The following ARFGEF1 variants were observed in gnomAD, a reference collection of about 807,000 sequenced individuals.
ARFGEF1 encodes the protein brefeldin A-inhibited guanine nucleotide-exchange protein 1.
A neutral mutation model predicts 231.0 loss-of-function variants in ARFGEF1; 42 were observed. The ratio of observed to expected loss-of-function variants is 0.18; its 90% CI spans 0.14 to 0.24. The LOEUF (loss-of-function observed/expected upper bound fraction) is 0.24. Ranked by LOEUF, ARFGEF1 falls within the 10% of genes least tolerant of loss-of-function variation. ARFGEF1 has a pLI of 1.00. For synonymous variants in ARFGEF1, 710 were observed against 732.3 expected (o/e 0.97, Z 0.49); for missense variants, 1,345 against 2,192.0 (o/e 0.61, Z 7.72).
intron 1 of ARFGEF1, among the ~76,000 whole-genome samples, chr8:67,322,609 GT>G (rs1807648578): frequency 6.6e-6 from 1 of 152,164 alleles, no homozygotes; most frequent in South Asian, 2.1e-4. Flanking sequence ...GCAGGCTAAG[GT>G]AGCAGAATCA....
chr8:67,199,225 ACT>A, intron 38 of ARFGEF1, 127 bp from the exon 39 acceptor site: 6 of 1,134,254 alleles, frequency 5.3e-6, no homozygotes, highest in Middle Eastern at 3.0e-4. Flanking sequence ...GCAGGCAGTG[ACT>A]CTGGTTTGTG....
chr8:67,263,355 C>A (rs1002529457), intron 14 of ARFGEF1, among the ~76,000 whole-genome samples: 1 of 152,176 alleles, frequency 6.6e-6, no homozygotes, highest in Non-Finnish European at 1.5e-5. Flanking sequence ...TTCTAATGCA[C>A]CCTTCAGGCT....
chr8:67,301,340 G>A lies in ARFGEF1; in HGVS notation c.196C>T (p.Pro66Ser). ...GEAKAGSSTL[P>S]PVKSKTNFIE... is the part of the protein sequence containing the mutation. ...AAATTTGTCTTTGATTTCACTGGTG[G>A]AAGGGTGCTTGATCCAGCTTTTGCT... Residue 66 changes from proline (P) to serine (S), a missense_variant, in exon 3 of 39, where the codon CCA becomes TCA. By Grantham distance (74) the Pro-to-Ser change is moderately conservative. Coordinates refer to ENST00000262215, the MANE Select transcript of ARFGEF1 (RefSeq NM_006421.5). The A allele has an allele frequency of 1.2e-6, 2 of 1,613,996 alleles. No individual in the cohort carries two copies. The highest frequency in any genetic ancestry group is 1.7e-6 in the Non-Finnish European group (2 of 1,179,968).
rs145877417 is a variant in ARFGEF1 at position 67,296,164 on chromosome 8, A to G, written c.639+267T>C. On this transcript the variant is annotated intron_variant, in intron 5 of 38. Transcript: ENST00000262215. ...TTGAATGCAATAAAAGTATTAATTC[A>G]TAAGTACTTCCACAAGGAAGATGGC... Among the ~76,000 whole-genome samples the G allele has an allele frequency of 6.9e-3, 1,056 of 152,350 alleles. 15 individuals carry two copies. Among genetic ancestry groups the G allele is most frequent in the African/African-American group, 0.024 (993 of 41,586 alleles).
In ARFGEF1 at chr8:67,292,045, C is replaced by T. The variant is rs776681380; in HGVS notation, c.718G>A (p.Glu240Lys). Residue 240 changes from glutamate (E) to lysine (K), a missense_variant, in exon 6 of 39, where the codon GAG (glutamate) becomes AAG (lysine). By Grantham distance (56) the Glu-to-Lys change is moderately conservative (BLOSUM62 1). Transcript: ENST00000262215. ...HLLQSPVSHH[E>K]PESPQLRYLP... ...TATCTAAGTTGAGGTGATTCAGGCT[C>T]GTGATGGCTTACTGGAGACTGTAAC... 1.1e-5 allele frequency: 17 copies of T among 1,613,798 alleles called. 1 individual carries two copies. The highest frequency in any genetic ancestry group is 9.9e-5 in the South Asian group (9 of 91,080).
At chr8:67,312,511 C>T in intron 1 of ARFGEF1, among the ~76,000 whole-genome samples, 1 of 152,028 alleles carries the variant, frequency 6.6e-6, no homozygotes, top group Non-Finnish European at 1.5e-5. Context: ...TCAAGATCTT[C>T]TCAGATGAAG....
chr8:67,204,971 C>T (rs1838459721), intron 34 of ARFGEF1, 152 bp from the exon 35 acceptor site: 1 of 874,748 alleles, frequency 1.1e-6, no homozygotes, highest in African/African-American at 1.7e-5. Flanking sequence ...AGGCACTACT[C>T]AGTAAAAGTT....
chr8:67,295,113 T>C (rs1393600681), intron 5 of ARFGEF1, among the ~76,000 whole-genome samples: 1 of 152,146 alleles, frequency 6.6e-6, no homozygotes, highest in Non-Finnish European at 1.5e-5. Context: ...TACAGATTGA[T>C]ATAAATAAAT....
At chr8:67,339,750 G>A (rs1473246400) in intron 1 of ARFGEF1, among the ~76,000 whole-genome samples, 5 of 116,552 alleles carry the variant, frequency 4.3e-5, no homozygotes, top group African/African-American at 1.3e-4. Context: ...GCTGTTCCTG[G>A]GCCTGTGGGC....
At chr8:67,258,315 T>C (rs889574946) in intron 15 of ARFGEF1, 25 bp from the exon 16 acceptor site, 2 of 1,474,352 alleles carry the variant, frequency 1.4e-6, no homozygotes, top group Non-Finnish European at 1.9e-6. Flanking sequence ...GAGATAGAAA[T>C]TGATATTTTC....
At chr8:67,260,133 T>C (rs1840594454) in intron 14 of ARFGEF1, among the ~76,000 whole-genome samples, 1 of 152,212 alleles carries the variant, frequency 6.6e-6, no homozygotes, top group Non-Finnish European at 1.5e-5. Flanking sequence ...TGGAAGGCCA[T>C]CTTTATTACT....
intron 9 of ARFGEF1, among the ~76,000 whole-genome samples, chr8:67,273,913 T>C (rs1032221934): frequency 1.9e-4 from 29 of 152,154 alleles, no homozygotes; most frequent in African/African-American, 6.5e-4. Context: ...TCAATTCCTA[T>C]TGTAATTAAA....
intron 19 of ARFGEF1, among the ~76,000 whole-genome samples, chr8:67,248,961 T>G (rs181451409): frequency 6.7e-6 from 1 of 149,976 alleles, no homozygotes; most frequent in African/African-American, 2.5e-5. Flanking sequence ...TAAACTTTTT[T>G]TTGTCTTTGC....
At chr8:67,339,904 A>C (rs1404665269) in intron 1 of ARFGEF1, among the ~76,000 whole-genome samples, 6 of 148,474 alleles carry the variant, frequency 4.0e-5, no homozygotes, top group Admixed American at 1.4e-4. Context: ...TTAAAGGTTT[A>C]TTTTTCTTTC....
intron 19 of ARFGEF1, among the ~76,000 whole-genome samples, chr8:67,244,272 TC>T (rs1840031435): frequency 1.1e-4 from 1 of 8,836 alleles, no homozygotes; most frequent in African/African-American, 8.7e-4. Context: ...AAAAAAACAT[TC>T]GACTACTGAG....
intron 23 of ARFGEF1, among the ~76,000 whole-genome samples, chr8:67,228,637 G>GC (rs1185506085): frequency 6.6e-6 from 1 of 151,986 alleles, no homozygotes; most frequent in Non-Finnish European, 1.5e-5. Flanking sequence ...CTAGCATTAA[G>GC]CAAGTTCTTA....
At chr8:67,281,274 C>A (rs1348205065) in intron 7 of ARFGEF1, among the ~76,000 whole-genome samples, 4 of 151,752 alleles carry the variant, frequency 2.6e-5, no homozygotes, top group Non-Finnish European at 5.9e-5. Flanking sequence ...TGGAAAAGAA[C>A]AGAAAGGATG....
At chr8:67,327,780 T>C (rs1419154975) in intron 1 of ARFGEF1, among the ~76,000 whole-genome samples, 5 of 152,262 alleles carry the variant, frequency 3.3e-5, no homozygotes, top group Admixed American at 1.3e-4. Context: ...AAAAGTACTA[T>C]ATAATCTGCT....
chr8:67,191,163 T>C (rs1451867553), intron 5 of ARFGEF1, among the ~76,000 whole-genome samples: 3 of 152,234 alleles, frequency 2.0e-5, no homozygotes, highest in Non-Finnish European at 2.9e-5. Flanking sequence ...GCAAGAAGGC[T>C]GAGATTCAAA....
Sources: gnomAD v4.1 joint callset for allele counts (sites outside exome capture counted in the v4.1 genomes callset) on GRCh38, gnomAD v4.1.1 for gene constraint, MANE v1.5 for transcripts, NCBI Gene and HGNC (gene_info 2026-07-23, HGNC 2026-07-21) for gene names.